ZNF225: variants seen among roughly 807,000 people sequenced by gnomAD.
ZNF225 encodes zinc finger protein 225.
ZNF225 carries 6 observed loss-of-function variants against 12.0 expected under a neutral mutation model. The observed-to-expected ratio is 0.50, with a 90% confidence interval of 0.27 to 0.98. ZNF225 has a LOEUF of 0.98. Ranked by LOEUF, ZNF225 falls within the 50% of genes least tolerant of loss-of-function variation. The pLI is 0.11. For missense variants in ZNF225, 763 were observed against 848.2 expected (o/e 0.90, Z 1.25); for synonymous variants, 271 against 283.2 (o/e 0.96, Z 0.43).
upstream of ZNF225, chr19:44,112,440 T>C (rs1051767108): frequency 1.3e-5 from 2 of 152,236 alleles, no homozygotes; most frequent in African/African-American, 4.8e-5. Context: ...TCTTAACTCG[T>C]ATATATTAAC....
At chr19:44,115,208 A>T (rs1033585150) in intron 1 of ZNF225, among the ~76,000 whole-genome samples, 5 of 152,132 alleles carry the variant, frequency 3.3e-5, no homozygotes, top group African/African-American at 1.2e-4. Context: ...ATTGAGGTGT[A>T]TTCTACATAT....
At chr19:44,127,974 G>A (rs905600224) in intron 4 of ZNF225, among the ~76,000 whole-genome samples, 2 of 152,184 alleles carry the variant, frequency 1.3e-5, no homozygotes, top group South Asian at 2.1e-4. Context: ...AGATTCTGAT[G>A]TCTCCTTCTG....
intron 2 of ZNF225, 84 bp downstream of exon 2, chr19:44,115,926 AT>A: frequency 1.4e-6 from 2 of 1,433,500 alleles, no homozygotes; most frequent in Non-Finnish European, 1.9e-6. Flanking sequence ...CAGTGGCCTG[AT>A]TTTGGCTCAT....
intron 4 of ZNF225, 78 bp from the exon 5 acceptor site, chr19:44,130,772 A>G (rs1968231787): frequency 1.6e-6 from 2 of 1,236,732 alleles, no homozygotes; most frequent in Admixed American, 2.4e-5. Flanking sequence ...ATTTCAGGCT[A>G]TGTCCTAAGT....
intron 4 of ZNF225, among the ~76,000 whole-genome samples, chr19:44,124,635 G>T (rs1485248082): frequency 6.6e-6 from 1 of 152,124 alleles, no homozygotes; most frequent in African/African-American, 2.4e-5. Context: ...CACTATTATT[G>T]TGTTGCTGTC....
chr19:44,132,128 T>C lies in ZNF225; in HGVS notation c.1514T>C (p.Val505Ala). Residue 505 changes from valine to alanine, a missense_variant, in exon 5 of 5, where the codon GTC becomes GCC. Physicochemically the swap from Val to Ala is moderately conservative, Grantham distance 64 (BLOSUM62 0). Transcript: ENST00000262894. ...QNSQLYTHRR[V>A]HSGEKPFKCE... Reference sequence around the variant, plus strand: ...TCACAACTTTATACCCATCGTAGAGTCCACAGTGGAGAAAAACCATTCAAA... The same window carrying C: ...TCACAACTTTATACCCATCGTAGAGCCCACAGTGGAGAAAAACCATTCAAA... 1.9e-6 allele frequency: 3 copies of C among 1,614,042 alleles called. No individual in the cohort carries two copies. Among genetic ancestry groups the C allele is most frequent in the Non-Finnish European group, 2.5e-6 (3 of 1,179,980 alleles).
intron 4 of ZNF225, among the ~76,000 whole-genome samples, chr19:44,124,419 G>A (rs968528643): frequency 5.3e-5 from 8 of 152,078 alleles, no homozygotes; most frequent in Admixed American, 2.0e-4. Context: ...ATTGAGGCTC[G>A]TTTTATGGCC....
chr19:44,127,932 C>T (rs1968180401), intron 4 of ZNF225, among the ~76,000 whole-genome samples: 1 of 152,104 alleles, frequency 6.6e-6, no homozygotes, highest in Non-Finnish European at 1.5e-5. Flanking sequence ...AATGAGCCAC[C>T]ACTCCTAGCC....
chr19:44,129,994 A>G (rs1260062957), intron 4 of ZNF225: 1 of 152,198 alleles, frequency 6.6e-6, no homozygotes, highest in Non-Finnish European at 1.5e-5. Context: ...TACATAATTT[A>G]TTAGTTACAT....
intron 4 of ZNF225, among the ~76,000 whole-genome samples, chr19:44,127,048 G>C (rs1173872079): frequency 6.6e-6 from 1 of 152,228 alleles, no homozygotes; most frequent in Non-Finnish European, 1.5e-5. Context: ...CCAAGTTCTG[G>C]CCAGGAGGCT....
chr19:44,130,700 CAAAAAAAAA>C (rs775988972), intron 4 of ZNF225, 141 bp from the exon 5 acceptor site: 50 of 169,962 alleles, frequency 2.9e-4, no homozygotes, highest in African/African-American at 5.4e-4. Flanking sequence ...GACTCCATCT[CAAAAAAAAA>C]AAAAAAAAAA....
chr19:44,127,860 T>C (rs1277116676), intron 4 of ZNF225, among the ~76,000 whole-genome samples: 1 of 152,098 alleles, frequency 6.6e-6, no homozygotes, highest in Non-Finnish European at 1.5e-5. Context: ...CAAGCTGGTC[T>C]CAAATACCTG....
chr19:44,115,916 C>T, intron 2 of ZNF225, 74 bp downstream of exon 2: 1 of 1,523,404 alleles, frequency 6.6e-7, no homozygotes, highest in Admixed American at 2.0e-5. Context: ...GGCTGGAGTG[C>T]AGTGGCCTGA....
chr19:44,112,837 A>G (rs1967857380), upstream of ZNF225: 1 of 152,222 alleles, frequency 6.6e-6, no homozygotes. Flanking sequence ...GATTAGCAAA[A>G]CTTAACTCCT....
chr19:44,118,150 G>A (rs374196454), intron 2 of ZNF225, 38 bp from the exon 3 acceptor site: 55 of 1,591,358 alleles, frequency 3.5e-5, no homozygotes, highest in Non-Finnish European at 4.5e-5. Flanking sequence ...AGTAGTCATT[G>A]GTCATGAGAC....
chr19:44,128,974 C>CA lies in ZNF225; in HGVS notation c.236-1875dup, dbSNP rs369967204. Reference sequence around the variant, plus strand: ...GGCATGACCCCTTAGGCGTTCTTTTCATCCCAGGTGATCTTACCAACTTTC... The same window carrying CA: ...GGCATGACCCCTTAGGCGTTCTTTTCAATCCCAGGTGATCTTACCAACTTTC... On this transcript the variant is annotated intron_variant, in intron 4 of 4. Coordinates refer to ENST00000262894, the MANE Select transcript of ZNF225 (RefSeq NM_013362.4). 2.9e-4 allele frequency: 298 copies of CA among 1,044,748 alleles called. 1 individual carries two copies. The East Asian group carries it at 7.5e-3, about 26-fold the overall frequency. 64.7% of individuals were successfully genotyped at this position (1,044,748 alleles called of 1,614,324 possible).
intron 1 of ZNF225, chr19:44,113,902 TG>T (rs1967882014): frequency 4.6e-6 from 1 of 217,178 alleles, no homozygotes; most frequent in Non-Finnish European, 9.0e-6. Flanking sequence ...CCCTGTCACT[TG>T]GTGACTGGTG....
chr19:44,116,519 C>G (rs957615573), intron 2 of ZNF225, among the ~76,000 whole-genome samples: 1 of 152,104 alleles, frequency 6.6e-6, no homozygotes. Context: ...GTACCTCACA[C>G]AATGTTACCA....
chr19:44,131,658 A>G lies in ZNF225; in HGVS notation c.1044A>G (p.Glu348=). ...HTGEKRYKCE[E]CGKRFIYRQD... is the part of the protein sequence containing the mutation. The stretch of plus-strand genomic sequence containing the variant: ...GAGAGAAACGGTACAAATGTGAGGA[A>G]TGTGGAAAACGCTTCATTTATAGGC... The change falls in exon 5 of 5, where the codon GAA becomes GAG. Residue 348 remains glutamate (E), a synonymous_variant. Transcript: ENST00000262894. 6.2e-7 allele frequency: 1 copy of G among 1,614,180 alleles called. No individual in the cohort carries two copies. Among genetic ancestry groups the G allele is most frequent in the Non-Finnish European group, 8.5e-7 (1 of 1,180,004 alleles).
Sources: allele counts gnomAD v4.1 joint callset (sites outside exome capture counted in the v4.1 genomes callset), GRCh38; gene constraint gnomAD v4.1.1; transcripts MANE v1.5; gene names NCBI Gene and HGNC (gene_info 2026-07-23, HGNC 2026-07-21).